ERCC6: variants seen among roughly 807,000 people sequenced by gnomAD.
ERCC6 encodes ERCC excision repair 6, chromatin remodeling factor, also known as DNA excision repair protein ERCC-6.
A neutral mutation model predicts 158.7 loss-of-function variants in ERCC6; 116 were observed. That is an observed-to-expected ratio of 0.73 (90% CI 0.63 to 0.85). The LOEUF is 0.85. ERCC6 is among the 40% of genes least tolerant of loss of function. The pLI is 0.00. For missense variants in ERCC6, 1,698 were observed against 1,799.4 expected (o/e 0.94, Z 1.02); for synonymous variants, 678 against 659.3 (o/e 1.03, Z -0.43).
At chr10:49,517,218 CAAT>C (rs1837006088) in intron 5 of ERCC6, 4 of 1,455,602 alleles carry the variant, frequency 2.7e-6, no homozygotes, top group South Asian at 2.9e-5. Context: ...ATAACTAATG[CAAT>C]AATAATACTT....
intron 3 of ERCC6, among the ~76,000 whole-genome samples, chr10:49,529,085 GCCAGA>G (rs1225511379): frequency 6.6e-6 from 1 of 152,056 alleles, no homozygotes; most frequent in Non-Finnish European, 1.5e-5. Flanking sequence ...CCCTGGCCAC[GCCAGA>G]CTCCTCTTTG....
Position 49,460,413 on chromosome 10 carries a change from A to G in ERCC6, c.4022T>C (p.Val1341Ala). The G allele has an allele frequency of 6.2e-7, 1 of 1,613,862 alleles. No homozygotes were observed. The highest frequency in any genetic ancestry group is 8.5e-7 in the Non-Finnish European group (1 of 1,179,706). ...FGKKRNSNFSVQHPSSTSPTE... is the reference protein window; with the variant it reads ...FGKKRNSNFSAQHPSSTSPTE... ...TGGAGATGTTGATGAAGGATGCTGCACAGAGAAGTTAGAATTCCTTTTCTT... is the reference window on the plus strand; with the variant it reads ...TGGAGATGTTGATGAAGGATGCTGCGCAGAGAAGTTAGAATTCCTTTTCTT... Residue 1341 changes from valine to alanine, a missense_variant, in exon 20 of 21, where the codon GTG (valine) becomes GCG (alanine). Transcript: ENST00000355832.
At chr10:49,501,346 C>A (rs1407279918) in intron 6 of ERCC6, 2 of 152,166 alleles carry the variant, frequency 1.3e-5, no homozygotes, top group Non-Finnish European at 2.9e-5. Flanking sequence ...TACAAAAGGT[C>A]TTTTTAATAT....
At chr10:49,515,357 A>G in intron 5 of ERCC6, 1 of 1,612,522 alleles carries the variant, frequency 6.2e-7, no homozygotes, top group Non-Finnish European at 8.5e-7. Flanking sequence ...ATTCAACGGA[A>G]CACTTCACAT....
At chr10:49,538,457 T>C (rs777487555) in intron 1 of ERCC6, among the ~76,000 whole-genome samples, 5 of 151,892 alleles carry the variant, frequency 3.3e-5, no homozygotes, top group South Asian at 2.1e-4. Context: ...ATGGGAAAAG[T>C]TGAGGAGAAA....
At position 49,532,655 on chromosome 10, in the gene ERCC6, C is replaced by G. The variant is rs371100244; in HGVS notation, c.310G>C (p.Val104Leu). 88 of 1,614,212 alleles carry G rather than the reference C, an allele frequency of 5.5e-5. No homozygotes were observed. In the South Asian group the frequency reaches 9.3e-4, roughly 17 times the overall value. The change falls in exon 2 of 21, where the codon GTG becomes CTG. Residue 104 changes from valine (V) to leucine (L), a missense_variant. Val to Leu is a conservative substitution (Grantham distance 32, BLOSUM62 1). Coordinates refer to ENST00000355832, the MANE Select transcript of ERCC6 (RefSeq NM_000124.4). ...GLGVDVYDQD[V>L]LEQGVLQQVD... ...TGCTGAAGCACTCCCTGTTCCAGCA[C>G]GTCCTGGTCATAGACGTCCACACCC...
rs367984534 is a variant in ERCC6, at chr10:49,461,384, G to A, written c.3951C>T (p.His1317=). ...AVSGVPTWTG[H]RGISGAPAGK... The stretch of plus-strand genomic sequence containing the variant: ...CTGCTGGTGCACCAGAAATCCCCCT[G>A]TGGCCAGTCCAGGTGGGAACACCAG... Residue 1317 remains histidine, a synonymous_variant, in exon 19 of 21, where the codon CAC becomes CAT. Transcript: ENST00000355832. 5.6e-6 allele frequency: 9 copies of A among 1,613,640 alleles called. No individual in the cohort carries two copies. Among genetic ancestry groups the A allele is most frequent in the African/African-American group, 1.3e-5 (1 of 74,888 alleles).
chr10:49,530,672 AATG>A (rs775391300), intron 3 of ERCC6, 45 bp downstream of exon 3: 7 of 1,604,898 alleles, frequency 4.4e-6, no homozygotes, highest in Non-Finnish European at 5.9e-6. Context: ...AGTGCCCCTA[AATG>A]ATGACTTTTT....
intron 5 of ERCC6, among the ~76,000 whole-genome samples, chr10:49,518,382 G>A (rs2132606474): frequency 6.6e-6 from 1 of 152,324 alleles, no homozygotes; most frequent in South Asian, 2.1e-4. Context: ...CCTTCTCCAA[G>A]CCCTTCCACT....
chr10:49,535,101 A>G (rs1328059742), intron 1 of ERCC6, among the ~76,000 whole-genome samples: 2 of 152,234 alleles, frequency 1.3e-5, no homozygotes, highest in Non-Finnish European at 2.9e-5. Context: ...GAGGTGCTCA[A>G]TATCTGCTGA....
At position 49,460,161 on chromosome 10, in the gene ERCC6, G is replaced by A. The variant is rs758110633; in HGVS notation, c.4062+212C>T. On this transcript the variant is annotated intron_variant, in intron 20 of 20. Coordinates refer to ENST00000355832, the MANE Select transcript of ERCC6 (RefSeq NM_000124.4). ...AATGGCAAAACAGAAATGCTGCTAC[G>A]GATCTTGGGTTAAAGACTTTGTCTT... 3.4e-4 allele frequency: 205 copies of A among 609,234 alleles called. 4 individuals carry two copies. In the Middle Eastern group the frequency reaches 3.5e-3, roughly 10 times the overall value. 37.7% of individuals were successfully genotyped at this position (609,234 alleles called of 1,614,324 possible). A position where few individuals can be genotyped will look rare whatever the true frequency, so the allele number is the denominator to read the frequency against.
chr10:49,527,690 T>C (rs954736648), intron 4 of ERCC6, among the ~76,000 whole-genome samples: 10 of 152,194 alleles, frequency 6.6e-5, no homozygotes. Context: ...AATATACATA[T>C]TTTTTTCTAT....
rs1850457009 is a variant in ERCC6 at position 49,454,670 on chromosome 10, T to C, written c.*4145A>G. The stretch of plus-strand genomic sequence containing the variant: ...ATTCTGGAAGTGAAAATCTAAAAGA[T>C]ATTTCAATGTTAGAAAATTTAACTG... On this transcript the variant is annotated 3_prime_UTR_variant, in exon 21 of 21. Coordinates refer to ENST00000355832, the MANE Select transcript of ERCC6 (RefSeq NM_000124.4). Among the ~76,000 whole-genome samples the C allele has an allele frequency of 6.6e-6, 1 of 151,448 alleles. No individual in the cohort carries two copies. The highest frequency in any genetic ancestry group is 1.9e-4 in the East Asian group (1 of 5,192).
At position 49,490,357 on chromosome 10, in the gene ERCC6, CTT is replaced by C. The variant is rs11400742; in HGVS notation, c.1821+2758_1821+2759del. On this transcript the variant is annotated intron_variant, in intron 8 of 20. Transcript: ENST00000355832. Reference sequence around the variant, plus strand: ...ATATTTTTCCAAATGAAAAATTTTCCTTTTTTTTTTTTTTTGAGACAGAGTCT... The same window carrying C: ...ATATTTTTCCAAATGAAAAATTTTCCTTTTTTTTTTTTTGAGACAGAGTCT... Among the ~76,000 whole-genome samples the C allele has an allele frequency of 1.6e-4, 23 of 140,428 alleles. No individual in the cohort carries two copies. In the Middle Eastern group the frequency reaches 0.015, roughly 90 times the overall value. The allele number at this position is 140,428 out of a possible 152,430, so 92.1% of individuals were successfully genotyped here.
chr10:49,524,383 T>C lies in ERCC6; in HGVS notation c.1047A>G (p.Pro349=). Residue 349 remains proline, a synonymous_variant, in exon 5 of 21, where the codon CCA becomes CCG. Coordinates refer to ENST00000355832, the MANE Select transcript of ERCC6 (RefSeq NM_000124.4). ...CTGACTCCCAAGGTCTCCTTGCCTTTGGCAATCCCACTTTCCCCTGGAACT... is the reference window on the plus strand; with the variant it reads ...CTGACTCCCAAGGTCTCCTTGCCTTCGGCAATCCCACTTTCCCCTGGAACT... ...ALQFQGKVGL[P]KARRPWESDM... The C allele has an allele frequency of 6.2e-7, 1 of 1,614,222 alleles. No homozygotes were observed. Among genetic ancestry groups the C allele is most frequent in the Non-Finnish European group, 8.5e-7 (1 of 1,180,032 alleles).
intron 18 of ERCC6, among the ~76,000 whole-genome samples, chr10:49,467,000 C>T (rs565276743): frequency 3.9e-5 from 6 of 152,176 alleles, no homozygotes; most frequent in African/African-American, 1.2e-4. Flanking sequence ...AGGTTGGTCT[C>T]GAACTCCTGA....
At chr10:49,516,578 T>C (rs748710425) in intron 5 of ERCC6, 2 of 1,613,992 alleles carry the variant, frequency 1.2e-6, no homozygotes, top group Non-Finnish European at 8.5e-7. Flanking sequence ...AACATTTGAA[T>C]TCAGAGCTAG....
At chr10:49,477,675 C>A (rs1850903085) in intron 11 of ERCC6, among the ~76,000 whole-genome samples, 1 of 152,146 alleles carries the variant, frequency 6.6e-6, no homozygotes, top group African/African-American at 2.4e-5. Flanking sequence ...CCTCTTCTAC[C>A]CTCCTCCTTG....
chr10:49,452,382 T>C (rs904756430), downstream of ERCC6, among the ~76,000 whole-genome samples: 1 of 152,052 alleles, frequency 6.6e-6, no homozygotes, highest in Non-Finnish European at 1.5e-5. Flanking sequence ...AATTTCCTAA[T>C]TGTGAGTTCT....
Sources: gnomAD v4.1 joint callset for allele counts (sites outside exome capture counted in the v4.1 genomes callset) on GRCh38, gnomAD v4.1.1 for gene constraint, MANE v1.5 for transcripts, NCBI Gene and HGNC (gene_info 2026-07-23, HGNC 2026-07-21) for gene names.